The following DSCAM variants were observed in gnomAD, a reference collection of about 807,000 sequenced individuals.
DSCAM encodes the protein DS cell adhesion molecule.
In DSCAM, 47 loss-of-function variants were observed where a neutral mutation model predicts 217.7. That is an observed-to-expected ratio of 0.22 (90% CI 0.17 to 0.28). The LOEUF (loss-of-function observed/expected upper bound fraction) is 0.28, where lower values mean the gene tolerates loss of function less well. Among genes scored for constraint, DSCAM ranks in the 10% least tolerant of loss-of-function variants. The probability of loss-of-function intolerance (pLI) is 1.00; values close to 1 mark genes in which losing one functional copy is unlikely to be tolerated. For synonymous variants in DSCAM, 1,056 were observed against 1,015.3 expected, an observed-to-expected ratio of 1.04 and a Z score of -0.76; for missense variants, 2,080 against 2,618.3, an observed-to-expected ratio of 0.79 and a Z score of 4.49.
At chr21:40,696,456 G>A (rs957641257) in intron 2 of DSCAM, among the ~76,000 whole-genome samples, 1 of 152,214 alleles carries the variant, frequency 6.6e-6, no homozygotes, top group African/African-American at 2.4e-5. Flanking sequence ...CGGTCATGCA[G>A]AGGAGCTGGG....
chr21:40,480,634 T>C (rs1471823660), intron 3 of DSCAM, among the ~76,000 whole-genome samples: 1 of 152,224 alleles, frequency 6.6e-6, no homozygotes, highest in Non-Finnish European at 1.5e-5. Flanking sequence ...ATTTTGATGA[T>C]AGAAATTTGA....
chr21:40,352,676 A>G (rs954390978), intron 5 of DSCAM, among the ~76,000 whole-genome samples: 6 of 152,314 alleles, frequency 3.9e-5, no homozygotes, highest in African/African-American at 1.2e-4. Context: ...TATATTTTCA[A>G]AAAAGGAGCA....
intron 3 of DSCAM, among the ~76,000 whole-genome samples, chr21:40,468,027 G>T (rs2075859354): frequency 6.7e-6 from 1 of 150,300 alleles, no homozygotes; most frequent in Admixed American, 6.7e-5. Context: ...AAATAGTTCT[G>T]TTGCATTTCA....
At chr21:40,679,311 T>G (rs1040353006) in intron 3 of DSCAM, among the ~76,000 whole-genome samples, 3 of 152,258 alleles carry the variant, frequency 2.0e-5, no homozygotes, top group Non-Finnish European at 4.4e-5. Flanking sequence ...ATGGTAATGT[T>G]ATCATTCAGT....
intron 3 of DSCAM, among the ~76,000 whole-genome samples, chr21:40,464,504 T>A (rs1268897784): frequency 6.6e-6 from 1 of 152,182 alleles, no homozygotes; most frequent in Non-Finnish European, 1.5e-5. Context: ...ACAAAGGCAT[T>A]GCTTTTCATT....
chr21:40,373,688 T>C (rs1184816291), intron 3 of DSCAM, among the ~76,000 whole-genome samples: 2 of 152,226 alleles, frequency 1.3e-5, no homozygotes, highest in Non-Finnish European at 2.9e-5. Flanking sequence ...AACTTTTTCT[T>C]GTTCTTATGA....
At chr21:40,060,506 G>C (rs2089099934) in intron 28 of DSCAM, among the ~76,000 whole-genome samples, 5 of 152,032 alleles carry the variant, frequency 3.3e-5, no homozygotes, top group Admixed American at 3.3e-4. Context: ...GTTGAGGGGA[G>C]GAGAAGCTCT....
chr21:40,317,960 T>C (rs1337747321), intron 8 of DSCAM, among the ~76,000 whole-genome samples: 1 of 152,198 alleles, frequency 6.6e-6, no homozygotes, highest in Non-Finnish European at 1.5e-5. Context: ...TTACTGAGAA[T>C]GATGATTTCC....
At chr21:40,488,953 T>C (rs961500668) in intron 3 of DSCAM, among the ~76,000 whole-genome samples, 1 of 152,210 alleles carries the variant, frequency 6.6e-6, no homozygotes, top group African/African-American at 2.4e-5. Context: ...TCTACCATAC[T>C]ATGCAATCCT....
chr21:40,400,120 A>G (rs1351968245), intron 3 of DSCAM, among the ~76,000 whole-genome samples: 1 of 152,184 alleles, frequency 6.6e-6, no homozygotes. Flanking sequence ...CCCGTGCAGC[A>G]GGTCTCAGGG....
rs180741906 is a variant in DSCAM at position 40,510,604 on chromosome 21, A to G, written c.509-141359T>C. 3.3e-5 allele frequency among the ~76,000 whole-genome samples: 5 copies of G among 152,314 alleles called. No homozygotes were observed. In the East Asian group the frequency reaches 9.6e-4, roughly 29 times the overall value. ...CAGCTAGGAGTTGGAAGGCCTCTAT[A>G]AGAAAGTTTAGAAGGAAGAGAACTC... On this transcript the variant is annotated intron_variant, in intron 3 of 32. Coordinates refer to ENST00000400454, the MANE Select transcript of DSCAM (RefSeq NM_001389.5).
At chr21:40,323,144 T>A (rs1310768434) in intron 8 of DSCAM, among the ~76,000 whole-genome samples, 1 of 152,156 alleles carries the variant, frequency 6.6e-6, no homozygotes, top group Non-Finnish European at 1.5e-5. Flanking sequence ...GAGCTCACTG[T>A]CATTGGCCTG....
At chr21:40,189,000 A>T (rs772425314) in intron 12 of DSCAM, 42 bp downstream of exon 12, 2 of 1,592,526 alleles carry the variant, frequency 1.3e-6, no homozygotes, top group Non-Finnish European at 1.7e-6. Context: ...TTATTCTTCC[A>T]ATAAAGTTCA....
rs376113988 is a variant in DSCAM at position 40,766,222 on chromosome 21, C to G, written c.44-57451G>C. On this transcript the variant is annotated intron_variant, in intron 1 of 32. Transcript: ENST00000400454. ...GGTAAGATTGCTACTTATTAAAAAT[C>G]ATGAACTGTTAGGACCCGATTACAA... 3.3e-5 allele frequency among the ~76,000 whole-genome samples: 5 copies of G among 152,094 alleles called. No individual in the cohort carries two copies. The East Asian group carries it at 5.8e-4, about 18-fold the overall frequency.
chr21:40,160,037 G>A (rs1398089769), intron 16 of DSCAM, among the ~76,000 whole-genome samples: 1 of 152,178 alleles, frequency 6.6e-6, no homozygotes, highest in Admixed American at 6.5e-5. Flanking sequence ...TCTAGGATAG[G>A]GATCCAAATC....
At chr21:40,311,945 T>A (rs1267442090) in intron 9 of DSCAM, 136 bp downstream of exon 9, 2 of 364,820 alleles carry the variant, frequency 5.5e-6, no homozygotes, top group Non-Finnish European at 9.1e-6. Context: ...TTTTTTTTTT[T>A]TTTTTTTTTT....
chr21:40,103,826 A>G (rs945215212), intron 20 of DSCAM, among the ~76,000 whole-genome samples: 4 of 150,728 alleles, frequency 2.7e-5, no homozygotes, highest in Non-Finnish European at 5.9e-5. Context: ...ATACCATTAT[A>G]TATATGTCTA....
intron 3 of DSCAM, among the ~76,000 whole-genome samples, chr21:40,376,489 A>C (rs35345927): frequency 0.048 from 4,106 of 86,244 alleles, 456 homozygotes; most frequent in African/African-American, 0.14. Flanking sequence ...TATCTTATAT[A>C]GATATCTATA....
intron 1 of DSCAM, among the ~76,000 whole-genome samples, chr21:40,712,395 G>A (rs1330096828): frequency 6.7e-6 from 1 of 150,224 alleles, no homozygotes; most frequent in African/African-American, 2.5e-5. Context: ...CCCGGGAAGC[G>A]GAGCTTGCAG....
Sources: allele counts gnomAD v4.1 joint callset (sites outside exome capture counted in the v4.1 genomes callset), GRCh38; gene constraint gnomAD v4.1.1; transcripts MANE v1.5; gene names NCBI Gene and HGNC (gene_info 2026-07-23, HGNC 2026-07-21).